The following SPIDR variants were observed in gnomAD, a reference collection of about 807,000 sequenced individuals.
The protein encoded by SPIDR is DNA repair-scaffolding protein.
Under a neutral mutation model 104.6 loss-of-function variants are expected in SPIDR, and 93 were observed. That is an observed-to-expected ratio of 0.89 (90% CI 0.75 to 1.06). The LOEUF (loss-of-function observed/expected upper bound fraction) is 1.06, where lower values mean the gene tolerates loss of function less well. Ranked by LOEUF, SPIDR falls within the 50% of genes least tolerant of loss-of-function variation. The pLI is 0.00. For missense variants in SPIDR, 1,154 were observed against 1,111.2 expected (o/e 1.04, Z -0.55); for synonymous variants, 431 against 416.9 (o/e 1.03, Z -0.41).
intron 7 of SPIDR, among the ~76,000 whole-genome samples, chr8:47,424,762 G>A (rs2066148367): frequency 6.6e-6 from 1 of 152,196 alleles, no homozygotes; most frequent in African/African-American, 2.4e-5. Flanking sequence ...AAAGGGAAAG[G>A]TCTTGCTCTG....
intron 8 of SPIDR, among the ~76,000 whole-genome samples, chr8:47,460,817 A>G (rs1356145494): frequency 1.3e-5 from 2 of 152,212 alleles, no homozygotes; most frequent in Admixed American, 1.3e-4. Context: ...TTCAAGATTT[A>G]GACCTCCATT....
At chr8:47,280,061 A>T in intron 2 of SPIDR, 44 bp downstream of exon 2, 2 of 1,590,946 alleles carry the variant, frequency 1.3e-6, no homozygotes, top group Non-Finnish European at 8.6e-7. Flanking sequence ...CCAAAGAGGA[A>T]ATCCTGAGTG....
intron 11 of SPIDR, among the ~76,000 whole-genome samples, chr8:47,695,200 CT>C (rs776771284): frequency 9.9e-5 from 15 of 152,032 alleles, no homozygotes; most frequent in Admixed American, 2.6e-4. Flanking sequence ...GCCTGAAAGG[CT>C]CTCGGAACCT....
At chr8:47,483,903 G>T (rs1380740746) in intron 8 of SPIDR, among the ~76,000 whole-genome samples, 3 of 151,850 alleles carry the variant, frequency 2.0e-5, no homozygotes, top group Non-Finnish European at 2.9e-5. Flanking sequence ...TGGAGTTCCA[G>T]TTTTACTAGA....
chr8:47,555,470 A>G (rs1411583599), intron 8 of SPIDR, among the ~76,000 whole-genome samples: 2 of 152,248 alleles, frequency 1.3e-5, no homozygotes, highest in African/African-American at 2.4e-5. Flanking sequence ...GGAGATAGAT[A>G]CTTGTGTATA....
chr8:47,699,188 T>G (rs2079781389), intron 11 of SPIDR, among the ~76,000 whole-genome samples: 1 of 152,192 alleles, frequency 6.6e-6, no homozygotes, highest in Non-Finnish European at 1.5e-5. Flanking sequence ...TACTGATAAC[T>G]ATAGTAACAT....
At chr8:47,363,841 G>T (rs1168556688) in intron 5 of SPIDR, among the ~76,000 whole-genome samples, 3 of 142,368 alleles carry the variant, frequency 2.1e-5, no homozygotes, top group African/African-American at 7.7e-5. Flanking sequence ...TGTTCTGTAG[G>T]TTTTTTTTTT....
chr8:47,556,906 C>T (rs867833576), intron 8 of SPIDR, among the ~76,000 whole-genome samples: 7 of 152,146 alleles, frequency 4.6e-5, no homozygotes, highest in African/African-American at 1.4e-4. Flanking sequence ...GCCCAGCCAG[C>T]ATAGTAAATA....
chr8:47,268,639 G>A (rs978434097), intron 1 of SPIDR, among the ~76,000 whole-genome samples: 4 of 152,044 alleles, frequency 2.6e-5, no homozygotes, highest in Non-Finnish European at 1.5e-5. Flanking sequence ...TAATTTTTTG[G>A]TAGAGATGGA....
At chr8:47,428,580 G>A (rs2066819538) in intron 7 of SPIDR, among the ~76,000 whole-genome samples, 2 of 152,018 alleles carry the variant, frequency 1.3e-5, no homozygotes, top group East Asian at 3.9e-4. Context: ...TAGTTTCTCT[G>A]GGGATTTTTT....
chr8:47,538,386 T>C (rs2087359857), intron 8 of SPIDR, among the ~76,000 whole-genome samples: 1 of 151,410 alleles, frequency 6.6e-6, no homozygotes. Context: ...TCTACTAAAA[T>C]ACAAAAATTA....
chr8:47,603,944 A>G (rs1167756014), intron 10 of SPIDR, among the ~76,000 whole-genome samples: 1 of 151,930 alleles, frequency 6.6e-6, no homozygotes, highest in Admixed American at 6.6e-5. Flanking sequence ...CTCATGTTGT[A>G]TATTTATTCC....
intron 10 of SPIDR, among the ~76,000 whole-genome samples, chr8:47,613,555 C>T (rs73567594): frequency 0.018 from 2,762 of 152,264 alleles, 86 homozygotes; most frequent in African/African-American, 0.064. Flanking sequence ...ATGTGTTTAA[C>T]TTTTTGAGGA....
intron 8 of SPIDR, among the ~76,000 whole-genome samples, chr8:47,515,247 A>G (rs1403602438): frequency 6.6e-6 from 1 of 152,230 alleles, no homozygotes; most frequent in South Asian, 2.1e-4. Context: ...TAAAGAAACC[A>G]GTGACCTATT....
intron 5 of SPIDR, among the ~76,000 whole-genome samples, chr8:47,350,842 C>G (rs1438361558): frequency 3.3e-5 from 5 of 152,108 alleles, no homozygotes; most frequent in African/African-American, 1.2e-4. Context: ...TTTTCTGAGG[C>G]CTTAGTTACT....
chr8:47,568,703 C>T (rs1487356515), intron 8 of SPIDR, among the ~76,000 whole-genome samples: 1 of 151,980 alleles, frequency 6.6e-6, no homozygotes, highest in Non-Finnish European at 1.5e-5. Context: ...GAGAAAGGGG[C>T]AGAAAAAATA....
chr8:47,489,543 A>G (rs983744100), intron 8 of SPIDR, among the ~76,000 whole-genome samples: 4 of 152,224 alleles, frequency 2.6e-5, no homozygotes, highest in Non-Finnish European at 5.9e-5. Context: ...CACATTGCCA[A>G]GACAATCTTA....
chr8:47,688,016 A>AGTGTGTGTGTGTGTGT (rs141582845), intron 11 of SPIDR, among the ~76,000 whole-genome samples: 60 of 145,762 alleles, frequency 4.1e-4, no homozygotes, highest in Admixed American at 1.0e-3. Flanking sequence ...AAAAAAAAAA[A>AGTGTGTGTGTGTGTGT]GTGTGTGTGT....
chr8:47,585,291 C>G (rs1049568627), intron 8 of SPIDR, among the ~76,000 whole-genome samples: 3 of 152,074 alleles, frequency 2.0e-5, no homozygotes, highest in African/African-American at 7.2e-5. Context: ...AGATACTGAC[C>G]ATTGTTAATT....
Sources: allele counts gnomAD v4.1 joint callset (sites outside exome capture counted in the v4.1 genomes callset), GRCh38; gene constraint gnomAD v4.1.1; transcripts MANE v1.5; gene names NCBI Gene and HGNC (gene_info 2026-07-23, HGNC 2026-07-21).